The following CNR1 variants were observed in gnomAD, a reference collection of about 807,000 sequenced individuals.
CNR1 encodes cannabinoid receptor 1.
A neutral mutation model predicts 23.0 loss-of-function variants in CNR1; 10 were observed. The observed-to-expected ratio is 0.43, with a 90% CI of 0.27 to 0.74. The LOEUF is 0.74. Ranked by LOEUF, CNR1 falls within the 30% of genes least tolerant of loss-of-function variation. The pLI, the probability that CNR1 is intolerant of heterozygous loss-of-function variation, is 0.19. For synonymous variants in CNR1, 271 were observed against 255.2 expected (o/e 1.06, Z -0.59); for missense variants, 422 against 618.8 (o/e 0.68, Z 3.37).
At chr6:88,154,024 T>C (rs1777666574) in intron 1 of CNR1, among the ~76,000 whole-genome samples, 1 of 152,174 alleles carries the variant, frequency 6.6e-6, no homozygotes, top group African/African-American at 2.4e-5. Flanking sequence ...TACATAATCT[T>C]TTTTCCTTAT....
At chr6:88,153,242 T>C (rs1267217693) in intron 1 of CNR1, among the ~76,000 whole-genome samples, 1 of 152,206 alleles carries the variant, frequency 6.6e-6, no homozygotes, top group Non-Finnish European at 1.5e-5. Flanking sequence ...TAGCAAGCTA[T>C]GGTATCATCA....
intron 1 of CNR1, among the ~76,000 whole-genome samples, chr6:88,150,405 C>T (rs1344782788): frequency 2.6e-5 from 4 of 152,154 alleles, no homozygotes; most frequent in Admixed American, 2.6e-4. Context: ...ATACTCCATG[C>T]ATATTCAAAC....
chr6:88,161,861 C>T (rs1039384276), intron 1 of CNR1, among the ~76,000 whole-genome samples: 28 of 152,108 alleles, frequency 1.8e-4, no homozygotes, highest in African/African-American at 6.3e-4. Context: ...CTTGTGGTAA[C>T]GTTGTAATGT....
At position 88,145,017 on chromosome 6, in the gene CNR1, G is replaced by A; in HGVS notation, c.258C>T (p.Leu86=). 1 of 1,614,152 alleles carries A rather than the reference G, an allele frequency of 6.2e-7. No homozygotes were observed. Among genetic ancestry groups the A allele is most frequent in the Non-Finnish European group, 8.5e-7 (1 of 1,180,026 alleles). ...VNITEFYNKS[L]SSFKENEENI... is the part of the protein sequence containing the mutation. The stretch of plus-strand genomic sequence containing the variant: ...TCTCCTCATTCTCCTTGAAGGACGA[G>A]AGAGACTTGTTGTAAAATTCTGTAA... Residue 86 remains leucine (L), a synonymous_variant, in exon 2 of 2, where the codon CTC becomes CTT. Coordinates refer to ENST00000369501, the MANE Select transcript of CNR1 (RefSeq NM_016083.6).
chr6:88,150,043 C>T (rs1259963200), intron 1 of CNR1, among the ~76,000 whole-genome samples: 1 of 152,140 alleles, frequency 6.6e-6, no homozygotes, highest in African/African-American at 2.4e-5. Flanking sequence ...TTTGCATTTG[C>T]CTTTTTCTTA....
At chr6:88,160,244 T>C (rs1474738655) in intron 1 of CNR1, among the ~76,000 whole-genome samples, 3 of 152,064 alleles carry the variant, frequency 2.0e-5, no homozygotes, top group African/African-American at 7.2e-5. Context: ...TGAGCCGAGA[T>C]TGTGCCATTG....
chr6:88,145,701 C>G (rs1777143280), intron 1 of CNR1, among the ~76,000 whole-genome samples: 1 of 152,210 alleles, frequency 6.6e-6, no homozygotes, highest in Non-Finnish European at 1.5e-5. Flanking sequence ...GTGTTTAGCA[C>G]CTGGCTTCTC....
chr6:88,143,808 G>A lies in CNR1; in HGVS notation c.*48C>T, dbSNP rs2127825597. 3 of 1,445,136 alleles carry A rather than the reference G, an allele frequency of 2.1e-6. No homozygotes were observed. In the South Asian group the frequency reaches 3.8e-5, roughly 18 times the overall value. The allele number at this position is 1,445,136 out of a possible 1,614,324, so 89.5% of individuals were successfully genotyped here. A position where few individuals can be genotyped will look rare whatever the true frequency, so the allele number is the denominator to read the frequency against. ...GACAATAGACTCTTCTAGATTTTGA[G>A]CTTAAAAAAAAAAATTCTTTTCCTG... On this transcript the variant is annotated 3_prime_UTR_variant, in exon 2 of 2. Transcript: ENST00000369501.
Position 88,142,639 on chromosome 6 carries a change from G to A in CNR1, c.*1217C>T, listed in dbSNP as rs1294208993. 2 of 152,476 alleles carry A rather than the reference G, an allele frequency of 1.3e-5. No individual in the cohort carries two copies. Among genetic ancestry groups the A allele is most frequent in the Non-Finnish European group, 2.9e-5 (2 of 68,026 alleles). The allele number at this position is 152,476 out of a possible 1,614,324, so 9.4% of individuals were successfully genotyped here. On this transcript the variant is annotated 3_prime_UTR_variant, in exon 2 of 2. Transcript: ENST00000369501. ...CAGTATTTTTATCAACAAGATTACAGGAAGAACTCAATTTTAGAAACTGAA... is the reference window on the plus strand; with the variant it reads ...CAGTATTTTTATCAACAAGATTACAAGAAGAACTCAATTTTAGAAACTGAA...
chr6:88,152,817 C>A (rs1407643747), intron 1 of CNR1, among the ~76,000 whole-genome samples: 2 of 152,140 alleles, frequency 1.3e-5, no homozygotes, highest in Non-Finnish European at 2.9e-5. Flanking sequence ...TCAACAACTT[C>A]CTTTGAGAGT....
rs1374271086 is a variant in CNR1, at chr6:88,166,117, C to G, written c.-378G>C. The G allele has an allele frequency of 6.6e-6, 1 of 152,186 alleles. No individual in the cohort carries two copies. Among genetic ancestry groups the G allele is most frequent in the Admixed American group, 6.5e-5 (1 of 15,300 alleles). 9.4% of individuals were successfully genotyped at this position (152,186 alleles called of 1,614,324 possible). ...CCGGCGGGCGGTCAGCAAGTCAGTC[C>G]GTCCGAGCGCCGGCGTCCCGGTCTC... On this transcript the variant is annotated 5_prime_UTR_variant, in exon 1 of 2. Transcript: ENST00000369501.
In CNR1 at chr6:88,166,250, T is replaced by A. The variant is rs1778365432; in HGVS notation, c.-511A>T. ...ACTGGGTCCTCCCGCGAGCCCCGCC[T>A]GGCCCGGCGTGGGGCCGCCCGTCTC... On this transcript the variant is annotated 5_prime_UTR_variant, in exon 1 of 2. Transcript: ENST00000369501. 6.6e-6 allele frequency: 1 copy of A among 152,148 alleles called. No homozygotes were observed. The highest frequency in any genetic ancestry group is 1.5e-5 in the Non-Finnish European group (1 of 68,102). 9.4% of individuals were successfully genotyped at this position (152,148 alleles called of 1,614,324 possible). A position where few individuals can be genotyped will look rare whatever the true frequency, so the allele number is the denominator to read the frequency against.
rs1243008337 is a variant in CNR1 at position 88,143,782 on chromosome 6, A to C, written c.*74T>G. On this transcript the variant is annotated 3_prime_UTR_variant, in exon 2 of 2. Transcript: ENST00000369501. Reference sequence around the variant, plus strand: ...TAAAGTTAAAAAAATATAACCAAGGAGACAATAGACTCTTCTAGATTTTGA... The same window carrying C: ...TAAAGTTAAAAAAATATAACCAAGGCGACAATAGACTCTTCTAGATTTTGA... 2 of 1,036,196 alleles carry C rather than the reference A, an allele frequency of 1.9e-6. No homozygotes were observed. The highest frequency in any genetic ancestry group is 2.4e-5 in the East Asian group (1 of 42,016). 64.2% of individuals were successfully genotyped at this position (1,036,196 alleles called of 1,614,324 possible).
At chr6:88,165,641 A>G (rs1423110286) in intron 1 of CNR1, among the ~76,000 whole-genome samples, 162 bp downstream of exon 1, 2 of 152,222 alleles carry the variant, frequency 1.3e-5, no homozygotes, top group Non-Finnish European at 2.9e-5. Context: ...AGAACAGATC[A>G]CAGTTAACAG....
chr6:88,162,598 AC>A, intron 1 of CNR1, among the ~76,000 whole-genome samples: 1 of 152,354 alleles, frequency 6.6e-6, no homozygotes, highest in South Asian at 2.1e-4. Context: ...ATATAAAGTT[AC>A]CATTTCTCTG....
intron 1 of CNR1, chr6:88,163,081 T>A (rs1306213841): frequency 2.0e-5 from 3 of 152,210 alleles, no homozygotes; most frequent in Non-Finnish European, 2.9e-5. Context: ...TACTGCCTGT[T>A]ATCATGCTTT....
intron 1 of CNR1, chr6:88,164,188 C>A (rs1778249788): frequency 1.3e-5 from 2 of 152,340 alleles, no homozygotes; most frequent in South Asian, 4.1e-4. Flanking sequence ...CACCTTGTGG[C>A]ATCATTGTAC....
intron 1 of CNR1, among the ~76,000 whole-genome samples, chr6:88,150,330 T>C (rs566408043): frequency 1.3e-5 from 2 of 152,312 alleles, no homozygotes; most frequent in East Asian, 3.9e-4. Flanking sequence ...CTCATCCCTA[T>C]ATCCCAGCCA....
intron 1 of CNR1, among the ~76,000 whole-genome samples, chr6:88,148,367 G>A (rs560729175): frequency 6.6e-6 from 1 of 152,312 alleles, no homozygotes; most frequent in Admixed American, 6.5e-5. Flanking sequence ...CCACTAGACA[G>A]TAAGTTCACT....
Sources: allele counts gnomAD v4.1 joint callset (sites outside exome capture counted in the v4.1 genomes callset), GRCh38; gene constraint gnomAD v4.1.1; transcripts MANE v1.5; gene names NCBI Gene and HGNC (gene_info 2026-07-23, HGNC 2026-07-21).